ACSL3: variants seen among roughly 807,000 people sequenced by gnomAD.
ACSL3 encodes fatty acid CoA ligase Acsl3.
A neutral mutation model predicts 84.7 loss-of-function variants in ACSL3; 34 were observed. The ratio of observed to expected loss-of-function variants is 0.40; its 90% CI spans 0.31 to 0.53. The LOEUF (loss-of-function observed/expected upper bound fraction) is 0.53. Ranked by LOEUF, ACSL3 falls within the 20% of genes least tolerant of loss-of-function variation. The pLI, the probability that ACSL3 is intolerant of heterozygous loss-of-function variation, is 0.48. For synonymous variants in ACSL3, 315 were observed against 299.4 expected (o/e 1.05, Z -0.54); for missense variants, 680 against 873.1 (o/e 0.78, Z 2.79).
intron 3 of ACSL3, 96 bp from the exon 4 acceptor site, chr2:222,908,637 G>C: frequency 1.3e-6 from 1 of 796,354 alleles, no homozygotes; most frequent in Non-Finnish European, 2.0e-6. Flanking sequence ...GCTGCTGCCT[G>C]ATAGAAAAAA....
rs879075493 is a variant in ACSL3, at chr2:222,920,824, C to G, written c.806-456C>G. 138 of 371,358 alleles carry G rather than the reference C, an allele frequency of 3.7e-4. 3 individuals are homozygous for G. The highest frequency in any genetic ancestry group is 2.7e-3 in the South Asian group (124 of 45,512). The allele number at this position is 371,358 out of a possible 1,614,324, so 23.0% of individuals were successfully genotyped here. The stretch of plus-strand genomic sequence containing the variant: ...CACTCTTCCTCTTGCTCACTCTGTT[C>G]CAGCCACACTCCTTGCTGGTCTTTA... On this transcript the variant is annotated intron_variant, in intron 7 of 16. Transcript: ENST00000357430.
At chr2:222,940,060 A>C (rs1185528309) in intron 16 of ACSL3, among the ~76,000 whole-genome samples, 1 of 152,222 alleles carries the variant, frequency 6.6e-6, no homozygotes, top group African/African-American at 2.4e-5. Flanking sequence ...AGTCAGTCCT[A>C]CTGACGACAT....
intron 8 of ACSL3, 102 bp downstream of exon 8, chr2:222,921,532 G>C (rs1433178901): frequency 1.7e-6 from 2 of 1,185,470 alleles, no homozygotes; most frequent in Admixed American, 2.2e-5. Context: ...TAGTCCCTCA[G>C]AGTCTGTTTG....
intron 2 of ACSL3, among the ~76,000 whole-genome samples, chr2:222,891,281 T>C (rs1019833508): frequency 6.6e-6 from 1 of 152,214 alleles, no homozygotes; most frequent in Non-Finnish European, 1.5e-5. Flanking sequence ...ACCCTAGGCA[T>C]CAGTAGAATA....
At chr2:222,870,273 T>C (rs1353484843) in intron 1 of ACSL3, among the ~76,000 whole-genome samples, 2 of 152,176 alleles carry the variant, frequency 1.3e-5, no homozygotes. Flanking sequence ...TCAGTTAGCT[T>C]TGTGCATTTC....
At chr2:222,880,244 A>G (rs957549864) in intron 1 of ACSL3, among the ~76,000 whole-genome samples, 4 of 152,238 alleles carry the variant, frequency 2.6e-5, no homozygotes, top group Non-Finnish European at 5.9e-5. Context: ...TCACATAAGC[A>G]TACAAAACAA....
intron 4 of ACSL3, among the ~76,000 whole-genome samples, chr2:222,915,388 C>T (rs772006549): frequency 8.5e-5 from 13 of 152,146 alleles, no homozygotes; most frequent in Admixed American, 3.3e-4. Context: ...CCAACCTCTT[C>T]TAGAAATTTC....
Position 222,944,571 on chromosome 2 carries a change from A to G in ACSL3, c.*2917A>G, listed in dbSNP as rs137882367. The G allele has an allele frequency of 8.0e-5, 12 of 149,200 alleles. No individual in the cohort carries two copies. In the East Asian group the frequency reaches 1.6e-3, roughly 20 times the overall value. 9.2% of individuals were successfully genotyped at this position (149,200 alleles called of 1,614,324 possible). ...CATAAAGAGCTACATGGTATGGACT[A>G]TTTATTTGTAATTTGACATAAAGTT... On this transcript the variant is annotated 3_prime_UTR_variant, in exon 17 of 17. Transcript: ENST00000357430.
intron 5 of ACSL3, chr2:222,917,419 C>T (rs888382507): frequency 3.3e-5 from 5 of 152,140 alleles, no homozygotes; most frequent in African/African-American, 9.7e-5. Flanking sequence ...ACAAACATTC[C>T]ATTTTTGTTG....
intron 1 of ACSL3, among the ~76,000 whole-genome samples, chr2:222,883,305 C>T (rs763793885): frequency 1.3e-5 from 2 of 151,614 alleles, no homozygotes; most frequent in East Asian, 3.9e-4. Context: ...GTCAGTCAGC[C>T]TCTCTAGTAG....
chr2:222,909,192 A>G (rs1328163979), intron 4 of ACSL3, 42 bp downstream of exon 4: 3 of 1,557,252 alleles, frequency 1.9e-6, no homozygotes, highest in Admixed American at 4.1e-5. Flanking sequence ...TTCGAATAAA[A>G]TATCCTGTTA....
chr2:222,880,817 G>A (rs1356456187), intron 1 of ACSL3, among the ~76,000 whole-genome samples: 13 of 145,680 alleles, frequency 8.9e-5, no homozygotes, highest in African/African-American at 2.1e-4. Context: ...GTGACAGAGC[G>A]AGACTCTGTC....
chr2:222,922,430 G>T (rs1433284512), intron 8 of ACSL3, among the ~76,000 whole-genome samples: 1 of 152,220 alleles, frequency 6.6e-6, no homozygotes, highest in Non-Finnish European at 1.5e-5. Flanking sequence ...TAATTCCTGA[G>T]TGCTTTTAAG....
rs545625941 is a variant in ACSL3, at chr2:222,930,145, ACCTCAAACTCCTGACCTCAGGCGATC to A, written c.1541-474_1541-449del. On this transcript the variant is annotated intron_variant, in intron 13 of 16. Transcript: ENST00000357430. ...GGGTTTCACCATGTTGGCCAGGCTG[ACCTCAAACTCCTGACCTCAGGCGATC>A]CACCCTCCTTGGCCTCCCAAAGTGT... Among the ~76,000 whole-genome samples the A allele has an allele frequency of 1.3e-4, 20 of 151,794 alleles. No individual in the cohort carries two copies. The East Asian group carries it at 3.9e-3, about 30-fold the overall frequency.
rs186737381 is a variant in ACSL3 at position 222,915,580 on chromosome 2, C to G, written c.379-739C>G. Among the ~76,000 whole-genome samples, 582 of 151,130 alleles carry G rather than the reference C, an allele frequency of 3.9e-3. 2 individuals carry two copies. The highest frequency in any genetic ancestry group is 0.021 in the Middle Eastern group (6 of 292). On this transcript the variant is annotated intron_variant, in intron 4 of 16. Coordinates refer to ENST00000357430, the MANE Select transcript of ACSL3 (RefSeq NM_004457.5). ...GTTTTGTCTAAGTTGAGGAAAATTT[C>G]TAAAGACAATATGTTAAAAAACTTC...
rs1325631840 is a variant in ACSL3 at position 222,885,065 on chromosome 2, T to C, written c.-206-2765T>C. Among the ~76,000 whole-genome samples the C allele has an allele frequency of 2.6e-5, 4 of 152,220 alleles. No homozygotes were observed. The East Asian group carries it at 7.7e-4, about 29-fold the overall frequency. On this transcript the variant is annotated intron_variant, in intron 1 of 16. Coordinates refer to ENST00000357430, the MANE Select transcript of ACSL3 (RefSeq NM_004457.5). ...TTTTTTCAGTACTATGGTGTCATTCTTAGAATGCAAAGTGTCGGGTCTGGA... is the reference window on the plus strand; with the variant it reads ...TTTTTTCAGTACTATGGTGTCATTCCTAGAATGCAAAGTGTCGGGTCTGGA...
intron 16 of ACSL3, 58 bp downstream of exon 16, chr2:222,934,745 C>G: frequency 6.5e-7 from 1 of 1,547,504 alleles, no homozygotes; most frequent in East Asian, 2.3e-5. Context: ...TACTTACATG[C>G]ATTCAACCTG....
Position 222,919,142 on chromosome 2 carries a change from A to G in ACSL3, c.745A>G (p.Lys249Glu). 7 of 1,614,166 alleles carry G rather than the reference A, an allele frequency of 4.3e-6. No homozygotes were observed. Among genetic ancestry groups the G allele is most frequent in the South Asian group, 1.1e-5 (1 of 91,074 alleles). ...GKPPTWSEFP[K>E]GIIVHTMAAV... ...GCCACCGACCTGGTCCGAGTTCCCC[A>G]AGGGCATCATTGTGCATACCATGGC... is the stretch of plus-strand genomic sequence containing the variant. Residue 249 changes from lysine to glutamate, a missense_variant, in exon 7 of 17, where the codon AAG becomes GAG. Physicochemically the swap from Lys to Glu is moderately conservative, Grantham distance 56. Coordinates refer to ENST00000357430, the MANE Select transcript of ACSL3 (RefSeq NM_004457.5).
At chr2:222,941,459 A>T in intron 16 of ACSL3, 38 bp from the exon 17 acceptor site, 3 of 1,537,688 alleles carry the variant, frequency 2.0e-6, no homozygotes, top group Non-Finnish European at 1.7e-6. Context: ...AAGAACTTAA[A>T]TACCTTTTCT....
Sources: allele counts gnomAD v4.1 joint callset (sites outside exome capture counted in the v4.1 genomes callset), GRCh38; gene constraint gnomAD v4.1.1; transcripts MANE v1.5; gene names NCBI Gene and HGNC (gene_info 2026-07-23, HGNC 2026-07-21).